Variants in NUDCD1 observed in about 807,000 individuals in gnomAD.
NUDCD1 encodes the protein NudC domain containing 1.
A neutral mutation model predicts 67.8 loss-of-function variants in NUDCD1; 60 were observed. The ratio of observed to expected loss-of-function variants is 0.88; its 90% CI spans 0.72 to 1.10. The LOEUF (loss-of-function observed/expected upper bound fraction) is 1.10, where lower values mean the gene tolerates loss of function less well. NUDCD1 is among the 50% of genes least tolerant of loss of function. The pLI is 0.00. For missense variants in NUDCD1, 643 were observed against 695.0 expected (o/e 0.93, Z 0.84); for synonymous variants, 244 against 230.8 (o/e 1.06, Z -0.52).
intron 1 of NUDCD1, among the ~76,000 whole-genome samples, chr8:109,330,090 A>G (rs762268414): frequency 6.6e-6 from 1 of 152,238 alleles, no homozygotes; most frequent in Non-Finnish European, 1.5e-5. Context: ...AAACATATAA[A>G]AAGACTTGTA....
chr8:109,297,068 G>A (rs186278841), intron 2 of NUDCD1, among the ~76,000 whole-genome samples: 93 of 152,292 alleles, frequency 6.1e-4, no homozygotes, highest in African/African-American at 2.1e-3. Context: ...CCTGATTTCT[G>A]ACCACAGAAA....
chr8:109,286,581 A>C (rs1307542886), intron 5 of NUDCD1, among the ~76,000 whole-genome samples: 1 of 152,198 alleles, frequency 6.6e-6, no homozygotes, highest in African/African-American at 2.4e-5. Flanking sequence ...AGCCATATGC[A>C]GAAAAATGAA....
intron 8 of NUDCD1, among the ~76,000 whole-genome samples, chr8:109,262,673 A>G (rs1813891660): frequency 6.6e-6 from 1 of 152,178 alleles, no homozygotes; most frequent in East Asian, 1.9e-4. Context: ...CAAGGGGCTC[A>G]GCTGTGCTGA....
At chr8:109,274,069 T>C (rs1267980391) in intron 7 of NUDCD1, among the ~76,000 whole-genome samples, 2 of 152,082 alleles carry the variant, frequency 1.3e-5, no homozygotes, top group Non-Finnish European at 2.9e-5. Context: ...ATTTCTTCAA[T>C]GTAATAAAAA....
chr8:109,280,887 T>G (rs1477805728), intron 6 of NUDCD1, 81 bp downstream of exon 6: 2 of 629,160 alleles, frequency 3.2e-6, no homozygotes, highest in Non-Finnish European at 5.2e-6. Flanking sequence ...TGTATTAATC[T>G]CTGATGTAAC....
chr8:109,273,099 C>T (rs2980606), intron 7 of NUDCD1, among the ~76,000 whole-genome samples: 95,524 of 151,980 alleles, frequency 0.63, 31,259 homozygotes, highest in African/African-American at 0.81. Context: ...ACATGCTATA[C>T]TGCTTTCCAA....
intron 2 of NUDCD1, among the ~76,000 whole-genome samples, chr8:109,307,354 C>T (rs1230589116): frequency 6.6e-6 from 1 of 152,242 alleles, no homozygotes; most frequent in East Asian, 1.9e-4. Context: ...CCACCCTTTG[C>T]TGACTCCTTT....
rs1000625528 is a variant in NUDCD1 at position 109,241,375 on chromosome 8, T to C, written c.*1634A>G. On this transcript the variant is annotated 3_prime_UTR_variant, in exon 10 of 10. Coordinates refer to ENST00000239690, the MANE Select transcript of NUDCD1 (RefSeq NM_032869.4). ...GAAAATTTTAGAGAAAATTTAGATC[T>C]ACTTTCCCATCATAAAGATTTTTAA... 2.0e-5 allele frequency: 3 copies of C among 152,192 alleles called. No individual in the cohort carries two copies. The highest frequency in any genetic ancestry group is 6.6e-5 in the Admixed American group (1 of 15,260). The allele number at this position is 152,192 out of a possible 1,614,324, so 9.4% of individuals were successfully genotyped here.
At chr8:109,274,521 G>A (rs1052466130) in intron 7 of NUDCD1, among the ~76,000 whole-genome samples, 15 of 152,076 alleles carry the variant, frequency 9.9e-5, no homozygotes, top group African/African-American at 3.6e-4. Context: ...TCAAAGTTTT[G>A]CAGTCCTACA....
At position 109,266,207 on chromosome 8, in the gene NUDCD1, T is replaced by C. The variant is rs187686026; in HGVS notation, c.1299+4798A>G. On this transcript the variant is annotated intron_variant, in intron 8 of 9. Transcript: ENST00000239690. ...AATGATTATCATTTCAACATGAAAA[T>C]TGATATAAAAATTTATTAGTAATAA... is the stretch of plus-strand genomic sequence containing the variant. Among the ~76,000 whole-genome samples the C allele has an allele frequency of 2.4e-3, 354 of 150,524 alleles. 5 individuals are homozygous for C. Among genetic ancestry groups the C allele is most frequent in the Non-Finnish European group, 6.0e-4 (41 of 67,858 alleles).
chr8:109,290,258 C>G (rs1814679157), intron 4 of NUDCD1, among the ~76,000 whole-genome samples: 1 of 152,212 alleles, frequency 6.6e-6, no homozygotes, highest in South Asian at 2.1e-4. Context: ...TGCTCAATAG[C>G]CACACATGGC....
At chr8:109,276,646 C>T (rs2129970352) in intron 6 of NUDCD1, among the ~76,000 whole-genome samples, 1 of 152,154 alleles carries the variant, frequency 6.6e-6, no homozygotes, top group South Asian at 2.1e-4. Flanking sequence ...CAATAAAAGC[C>T]CAGATTTAGT....
In NUDCD1 at chr8:109,254,423, G is replaced by GA. The variant is rs528049418; in HGVS notation, c.1300-8943dup. Among the ~76,000 whole-genome samples the GA allele has an allele frequency of 2.8e-4, 42 of 152,146 alleles. No homozygotes were observed. In the South Asian group the frequency reaches 6.8e-3, roughly 25 times the overall value. On this transcript the variant is annotated intron_variant, in intron 8 of 9. Transcript: ENST00000239690. ...TTTAAATATTTTTGGTATTTGAATGGAAAAAATTAACTTATTTAGGCAATT... is the reference window on the plus strand; with the variant it reads ...TTTAAATATTTTTGGTATTTGAATGGAAAAAAATTAACTTATTTAGGCAATT...
chr8:109,243,337 T>C (rs777065832), intron 9 of NUDCD1, 36 bp from the exon 10 acceptor site: 4 of 1,480,180 alleles, frequency 2.7e-6, no homozygotes, highest in African/African-American at 2.8e-5. Flanking sequence ...AGAAAAACTA[T>C]ATATTAAACA....
At chr8:109,328,505 A>G (rs571240295) in intron 1 of NUDCD1, among the ~76,000 whole-genome samples, 2 of 152,166 alleles carry the variant, frequency 1.3e-5, no homozygotes, top group Non-Finnish European at 2.9e-5. Context: ...GTGTTTGAGG[A>G]GATTACCCCA....
At chr8:109,308,129 C>A (rs1395363863) in intron 2 of NUDCD1, among the ~76,000 whole-genome samples, 2 of 152,158 alleles carry the variant, frequency 1.3e-5, no homozygotes, top group East Asian at 3.8e-4. Context: ...ATGGACTTAA[C>A]AGATATATAC....
chr8:109,325,908 G>A (rs547933456), intron 1 of NUDCD1, among the ~76,000 whole-genome samples: 2 of 152,300 alleles, frequency 1.3e-5, no homozygotes, highest in African/African-American at 4.8e-5. Flanking sequence ...AGAGATAATG[G>A]AAACATCTCA....
intron 8 of NUDCD1, among the ~76,000 whole-genome samples, chr8:109,252,496 A>G (rs1334759416): frequency 6.6e-6 from 1 of 152,108 alleles, no homozygotes; most frequent in Non-Finnish European, 1.5e-5. Flanking sequence ...TTCCCACAGC[A>G]GAGAACACAC....
chr8:109,264,390 TA>T (rs1813942347), intron 8 of NUDCD1, among the ~76,000 whole-genome samples: 1 of 152,188 alleles, frequency 6.6e-6, no homozygotes, highest in South Asian at 2.1e-4. Flanking sequence ...TGCCAATCCT[TA>T]AACACTTTTC....
Sources: allele counts gnomAD v4.1 joint callset (sites outside exome capture counted in the v4.1 genomes callset), GRCh38; gene constraint gnomAD v4.1.1; transcripts MANE v1.5; gene names NCBI Gene and HGNC (gene_info 2026-07-23, HGNC 2026-07-21).